The following SBF2 variants were observed in gnomAD, a reference collection of about 807,000 sequenced individuals.
The protein encoded by SBF2 is myotubularin-related protein 13.
A neutral mutation model predicts 225.2 loss-of-function variants in SBF2; 112 were observed. The ratio of observed to expected loss-of-function variants is 0.50; its 90% CI spans 0.43 to 0.58. The LOEUF (loss-of-function observed/expected upper bound fraction) is 0.58, where lower values mean the gene tolerates loss of function less well. SBF2 is among the 20% of genes least tolerant of loss of function. The probability of loss-of-function intolerance (pLI) is 0.00; values close to 1 mark genes in which losing one functional copy is unlikely to be tolerated. For synonymous variants in SBF2, 763 were observed against 773.3 expected (o/e 0.99, Z 0.22); for missense variants, 1,996 against 2,206.2 (o/e 0.90, Z 1.91).
At chr11:10,034,349 T>G (rs984790394) in intron 3 of SBF2, among the ~76,000 whole-genome samples, 3 of 152,214 alleles carry the variant, frequency 2.0e-5, no homozygotes, top group Non-Finnish European at 4.4e-5. Flanking sequence ...ACCATATCAA[T>G]CTGGCCTAAA....
intron 2 of SBF2, among the ~76,000 whole-genome samples, chr11:10,140,022 T>C (rs1037974826): frequency 7.9e-5 from 12 of 152,198 alleles, no homozygotes; most frequent in Admixed American, 2.6e-4. Context: ...TAAACTTGTA[T>C]TTCACTTTGA....
chr11:10,170,796 C>T (rs1386078119), intron 2 of SBF2, among the ~76,000 whole-genome samples: 1 of 149,918 alleles, frequency 6.7e-6, no homozygotes, highest in Non-Finnish European at 1.5e-5. Flanking sequence ...AATATCTTTC[C>T]TTTTTTTGTG....
In SBF2 at chr11:9,832,410, G is replaced by A. The variant is rs1433995523; in HGVS notation, c.3466C>T (p.Leu1156Phe). 3 of 1,613,048 alleles carry A rather than the reference G, an allele frequency of 1.9e-6. No individual in the cohort carries two copies. Among genetic ancestry groups the A allele is most frequent in the Admixed American group, 3.3e-5 (2 of 59,976 alleles). ...MYSLCRSYPG[L>F]LVVPQAVQDS... ...TGTACAGCTTGAGGTACGACTAAAA[G>A]GCCAGGATAGCTTCAGAGACATAGA... Residue 1156 changes from leucine to phenylalanine, a missense_variant, in exon 27 of 40, where the codon CTT (leucine) becomes TTT (phenylalanine). Coordinates refer to ENST00000256190, the MANE Select transcript of SBF2 (RefSeq NM_030962.4).
intron 2 of SBF2, among the ~76,000 whole-genome samples, chr11:10,093,857 CAAAT>C: frequency 6.6e-6 from 1 of 152,144 alleles, no homozygotes; most frequent in Non-Finnish European, 1.5e-5. Context: ...ATTCTTGTCA[CAAAT>C]AAATCACAAA....
At chr11:9,997,710 G>A (rs966010194) in intron 9 of SBF2, among the ~76,000 whole-genome samples, 5 of 152,172 alleles carry the variant, frequency 3.3e-5, no homozygotes, top group Non-Finnish European at 7.3e-5. Flanking sequence ...CCCGGGAGGC[G>A]GAGCTTGCAG....
intron 1 of SBF2, among the ~76,000 whole-genome samples, chr11:10,203,016 GT>G (rs1433399273): frequency 5.4e-5 from 8 of 148,582 alleles, no homozygotes; most frequent in African/African-American, 2.0e-4. Context: ...CTTGGTAAGA[GT>G]TTCCATGCAG....
chr11:10,081,630 C>T (rs576783317), intron 2 of SBF2, among the ~76,000 whole-genome samples: 6 of 151,818 alleles, frequency 4.0e-5, no homozygotes, highest in East Asian at 1.9e-4. Flanking sequence ...CGTGGTGACA[C>T]GCGCCTGTAG....
intron 26 of SBF2, among the ~76,000 whole-genome samples, chr11:9,833,563 A>G (rs12416993): frequency 0.17 from 26,348 of 151,126 alleles, 2,977 homozygotes; most frequent in Non-Finnish European, 0.25. Flanking sequence ...TACGACTACA[A>G]GCGCCTGCCA....
intron 8 of SBF2, among the ~76,000 whole-genome samples, chr11:9,999,375 T>C (rs1452356716): frequency 3.3e-5 from 5 of 151,982 alleles, no homozygotes; most frequent in Non-Finnish European, 5.9e-5. Flanking sequence ...GGCTGGAGTA[T>C]AGTGGTGCAA....
intron 1 of SBF2, among the ~76,000 whole-genome samples, chr11:10,248,770 CT>C (rs1960043798): frequency 6.6e-6 from 1 of 152,164 alleles, no homozygotes; most frequent in Admixed American, 6.5e-5. Flanking sequence ...GTTTAAACAA[CT>C]TGTGGAAATT....
At chr11:10,200,663 G>C (rs1392481548) in intron 1 of SBF2, among the ~76,000 whole-genome samples, 1 of 152,016 alleles carries the variant, frequency 6.6e-6, no homozygotes, top group African/African-American at 2.4e-5. Flanking sequence ...CAGTTACCCA[G>C]TGTATTTATA....
At chr11:10,127,754 C>A (rs1032755058) in intron 2 of SBF2, among the ~76,000 whole-genome samples, 2 of 152,048 alleles carry the variant, frequency 1.3e-5, no homozygotes, top group Non-Finnish European at 2.9e-5. Context: ...TCTTTTATAT[C>A]CCTATATGGC....
chr11:10,185,782 G>A (rs1348279509), intron 2 of SBF2, among the ~76,000 whole-genome samples: 1 of 152,036 alleles, frequency 6.6e-6, no homozygotes, highest in East Asian at 1.9e-4. Flanking sequence ...TCTGATGAGT[G>A]GCTGTGGTAC....
rs559921023 is a variant in SBF2 at position 10,152,273 on chromosome 11, G to A, written c.141+41629C>T. 6.6e-5 allele frequency among the ~76,000 whole-genome samples: 10 copies of A among 152,088 alleles called. 1 individual carries two copies. The highest frequency in any genetic ancestry group is 6.2e-4 in the South Asian group (3 of 4,826). On this transcript the variant is annotated intron_variant, in intron 2 of 39. Transcript: ENST00000256190. ...AATTAGAAAACACCCCATATAGGCCGGGAGCGGTGGCTCACACCTGTAATT... is the reference window on the plus strand; with the variant it reads ...AATTAGAAAACACCCCATATAGGCCAGGAGCGGTGGCTCACACCTGTAATT...
At chr11:10,212,326 G>A (rs925262992) in intron 1 of SBF2, among the ~76,000 whole-genome samples, 1 of 152,174 alleles carries the variant, frequency 6.6e-6, no homozygotes, top group Non-Finnish European at 1.5e-5. Context: ...ACGGTGTCCT[G>A]AGTCGCTGGG....
intron 17 of SBF2, among the ~76,000 whole-genome samples, chr11:9,874,752 G>A (rs576760731): frequency 3.9e-5 from 6 of 152,294 alleles, no homozygotes; most frequent in African/African-American, 7.2e-5. Context: ...GCCTTGAAGA[G>A]GCTCTGACTT....
intron 38 of SBF2, 70 bp from the exon 39 acceptor site, chr11:9,781,708 A>G (rs1418874312): frequency 6.4e-7 from 1 of 1,555,348 alleles, no homozygotes; most frequent in Non-Finnish European, 8.9e-7. Flanking sequence ...TTCAAACTGC[A>G]TTTGAATACC....
chr11:9,880,684 T>C lies in SBF2; in HGVS notation c.1929+15259A>G, dbSNP rs117858536. 8.6e-4 allele frequency among the ~76,000 whole-genome samples: 131 copies of C among 152,350 alleles called. 3 individuals are homozygous for C. The East Asian group carries it at 0.02, about 23-fold the overall frequency. ...CACGTCACTGCCCTACTCAAGAGTA[T>C]GGTATTACGTACTCCTTAGTGACCA... On this transcript the variant is annotated intron_variant, in intron 17 of 39. Coordinates refer to ENST00000256190, the MANE Select transcript of SBF2 (RefSeq NM_030962.4).
At position 10,194,249 on chromosome 11, in the gene SBF2, A is replaced by T. The variant is rs61892572; in HGVS notation, c.56-262T>A. ...GGATGAAAAAAACAATAAAATTAAC[A>T]ATGCAACAATTTAAAAATGCAAATC... is the stretch of plus-strand genomic sequence containing the variant. On this transcript the variant is annotated intron_variant, in intron 1 of 39. Coordinates refer to ENST00000256190, the MANE Select transcript of SBF2 (RefSeq NM_030962.4). Among the ~76,000 whole-genome samples, 15,357 of 152,236 alleles carry T rather than the reference A, an allele frequency of 0.1. 931 individuals are homozygous for T. The highest frequency in any genetic ancestry group is 0.11 in the Non-Finnish European group (7,667 of 68,020).
Sources: gnomAD v4.1 joint callset for allele counts (sites outside exome capture counted in the v4.1 genomes callset) on GRCh38, gnomAD v4.1.1 for gene constraint, MANE v1.5 for transcripts, NCBI Gene and HGNC (gene_info 2026-07-23, HGNC 2026-07-21) for gene names.